The following NRDE2 variants were observed in gnomAD, a reference collection of about 807,000 sequenced individuals.
The protein encoded by NRDE2 is NRDE-2, necessary for RNA interference, domain containing, also known as nuclear exosome regulator NRDE2.
NRDE2 carries 76 observed loss-of-function variants against 124.2 expected under a neutral mutation model. The ratio of observed to expected loss-of-function variants is 0.61; its 90% confidence interval spans 0.51 to 0.74. NRDE2 has a LOEUF of 0.74. Among genes scored for constraint, NRDE2 ranks in the 30% least tolerant of loss-of-function variants. The pLI is 0.00. For missense variants in NRDE2, 1,314 were observed against 1,417.3 expected (o/e 0.93, Z 1.17); for synonymous variants, 489 against 528.1 (o/e 0.93, Z 1.01).
chr14:90,285,270 T>TAA (rs796590562), intron 12 of NRDE2, among the ~76,000 whole-genome samples: 88 of 106,024 alleles, frequency 8.3e-4, no homozygotes, highest in African/African-American at 1.2e-3. Flanking sequence ...GACCTTGTCT[T>TAA]AAAAAAAAAA....
At chr14:90,301,200 A>T (rs770282941) in intron 7 of NRDE2, 39 bp downstream of exon 7, 4 of 1,603,460 alleles carry the variant, frequency 2.5e-6, no homozygotes, top group South Asian at 1.1e-5. Context: ...CCAGAGAAAG[A>T]GCCAGGAAGA....
intron 3 of NRDE2, among the ~76,000 whole-genome samples, chr14:90,315,951 C>T (rs1267235833): frequency 1.6e-5 from 2 of 128,834 alleles, no homozygotes; most frequent in Non-Finnish European, 3.3e-5. Context: ...GAGTGAAACC[C>T]CGTCTCAAAA....
intron 5 of NRDE2, among the ~76,000 whole-genome samples, 162 bp downstream of exon 5, chr14:90,303,773 T>C (rs904693540): frequency 2.0e-5 from 3 of 152,234 alleles, no homozygotes; most frequent in Admixed American, 1.3e-4. Flanking sequence ...ATTTTCCTCA[T>C]TGGACTTTGA....
In NRDE2 at chr14:90,274,441, CAGAA is replaced by C. The variant is rs567474150; in HGVS notation, c.*3891_*3894del. On this transcript the variant is annotated 3_prime_UTR_variant, in exon 14 of 14. Coordinates refer to ENST00000354366, the MANE Select transcript of NRDE2 (RefSeq NM_017970.4). ...CCAGGTTTCTCTGAGGAGTTAGACA[CAGAA>C]AGAAGAAAACAAGAACGACCTCTGT... 2.0e-3 allele frequency: 298 copies of C among 152,806 alleles called. 2 individuals are homozygous for C. Among genetic ancestry groups the C allele is most frequent in the Non-Finnish European group, 3.0e-3 (203 of 68,204 alleles). 9.5% of individuals were successfully genotyped at this position (152,806 alleles called of 1,614,324 possible).
intron 11 of NRDE2, 63 bp from the exon 12 acceptor site, chr14:90,286,555 G>A (rs1403485728): frequency 1.3e-6 from 2 of 1,566,556 alleles, no homozygotes; most frequent in Admixed American, 1.8e-5. Flanking sequence ...ACAGAAGGAA[G>A]AGATGCCTGA....
intron 7 of NRDE2, among the ~76,000 whole-genome samples, chr14:90,299,197 C>A (rs1478703051): frequency 6.6e-6 from 1 of 152,096 alleles, no homozygotes; most frequent in African/African-American, 2.4e-5. Flanking sequence ...CAGGCATGAG[C>A]CACCACACCC....
At chr14:90,282,524 T>A (rs1891983223) in intron 12 of NRDE2, among the ~76,000 whole-genome samples, 1 of 151,994 alleles carries the variant, frequency 6.6e-6, no homozygotes, top group African/African-American at 2.4e-5. Context: ...TTAATGTATA[T>A]GCAAAACAGC....
chr14:90,269,322 G>A lies in NRDE2; in HGVS notation c.*9014C>T, dbSNP rs1186760259. On this transcript the variant is annotated 3_prime_UTR_variant, in exon 14 of 14. Coordinates refer to ENST00000354366, the MANE Select transcript of NRDE2 (RefSeq NM_017970.4). ...GTTTGTTAAGGTGTTTTGTCACAAT[G>A]AGGTCTTTGCTGTAATTCCCCTTGA... 1 of 1,298,376 alleles carries A rather than the reference G, an allele frequency of 7.7e-7. No homozygotes were observed. Among genetic ancestry groups the A allele is most frequent in the Non-Finnish European group, 1.1e-6 (1 of 941,138 alleles). The allele number at this position is 1,298,376 out of a possible 1,614,324, so 80.4% of individuals were successfully genotyped here. A position where few individuals can be genotyped will look rare whatever the true frequency, so the allele number is the denominator to read the frequency against.
intron 3 of NRDE2, among the ~76,000 whole-genome samples, chr14:90,314,966 TCGGAGA>T (rs1884984505): frequency 6.6e-6 from 1 of 151,006 alleles, no homozygotes; most frequent in Admixed American, 6.6e-5. Flanking sequence ...GGTCAGGAGA[TCGGAGA>T]TCGAGACCAG....
chr14:90,274,767 T>A lies in NRDE2; in HGVS notation c.*3569A>T, dbSNP rs950882297. ...CAGTTACTATTAATGGAATACAGTA[T>A]AGCCCTTTAAATAGGGAACTACACA... On this transcript the variant is annotated 3_prime_UTR_variant, in exon 14 of 14. Transcript: ENST00000354366. 6.8e-6 allele frequency: 1 copy of A among 147,148 alleles called. No homozygotes were observed. Among genetic ancestry groups the A allele is most frequent in the African/African-American group, 2.5e-5 (1 of 39,414 alleles). The allele number at this position is 147,148 out of a possible 1,614,324, so 9.1% of individuals were successfully genotyped here.
chr14:90,298,909 C>T (rs763690014), intron 7 of NRDE2, among the ~76,000 whole-genome samples: 6 of 152,200 alleles, frequency 3.9e-5, no homozygotes, highest in African/African-American at 4.8e-5. Context: ...CCATGAGCTA[C>T]GTGACACAAC....
intron 3 of NRDE2, among the ~76,000 whole-genome samples, chr14:90,313,529 C>T (rs1347147428): frequency 6.6e-6 from 1 of 152,044 alleles, no homozygotes; most frequent in Non-Finnish European, 1.5e-5. Context: ...AAGACAAGAC[C>T]CTAATGTATC....
At chr14:90,315,912 G>A (rs746226782) in intron 3 of NRDE2, among the ~76,000 whole-genome samples, 21 of 138,452 alleles carry the variant, frequency 1.5e-4, no homozygotes, top group African/African-American at 2.2e-4. Flanking sequence ...AGCTGAGATC[G>A]CACCACTGCA....
intron 9 of NRDE2, among the ~76,000 whole-genome samples, chr14:90,291,588 G>A (rs374306296): frequency 1.3e-5 from 2 of 152,014 alleles, no homozygotes; most frequent in Non-Finnish European, 1.5e-5. Flanking sequence ...CTCTTCTGCA[G>A]ACATTCAGCT....
chr14:90,279,680 C>T (rs1891900737), intron 12 of NRDE2: 2 of 152,592 alleles, frequency 1.3e-5, no homozygotes, highest in Non-Finnish European at 2.9e-5. Context: ...AGCACGTGTT[C>T]TCTCTAGATA....
Position 90,331,927 on chromosome 14 carries a change from C to G in NRDE2, c.-23G>C, listed in dbSNP as rs1006658680. 1 of 1,614,000 alleles carries G rather than the reference C, an allele frequency of 6.2e-7. No individual in the cohort carries two copies. Among genetic ancestry groups the G allele is most frequent in the Non-Finnish European group, 8.5e-7 (1 of 1,180,010 alleles). On this transcript the variant is annotated 5_prime_UTR_variant, in exon 1 of 14. Coordinates refer to ENST00000354366, the MANE Select transcript of NRDE2 (RefSeq NM_017970.4). ...CATGACCACAGGCCGTACCTCCGTTCTTCTCTATAGGGATGGCGCCGGCGA... is the reference window on the plus strand; with the variant it reads ...CATGACCACAGGCCGTACCTCCGTTGTTCTCTATAGGGATGGCGCCGGCGA...
At chr14:90,330,361 C>T (rs1325979793) in intron 1 of NRDE2, among the ~76,000 whole-genome samples, 2 of 152,162 alleles carry the variant, frequency 1.3e-5, no homozygotes, top group African/African-American at 2.4e-5. Flanking sequence ...TACTATCGAT[C>T]TGTACATCCA....
chr14:90,302,553 G>A (rs764460157), intron 6 of NRDE2, among the ~76,000 whole-genome samples, 167 bp downstream of exon 6: 7 of 152,108 alleles, frequency 4.6e-5, no homozygotes, highest in Admixed American at 4.6e-4. Context: ...TGGGAGCTGG[G>A]GGCAAATTTG....
At chr14:90,278,955 G>A in intron 13 of NRDE2, 107 bp downstream of exon 13, 2 of 790,598 alleles carry the variant, frequency 2.5e-6, no homozygotes, top group South Asian at 3.0e-5. Flanking sequence ...GCGTCCATGA[G>A]CCGAGCATCC....
Sources: allele counts gnomAD v4.1 joint callset (sites outside exome capture counted in the v4.1 genomes callset), GRCh38; gene constraint gnomAD v4.1.1; transcripts MANE v1.5; gene names NCBI Gene and HGNC (gene_info 2026-07-23, HGNC 2026-07-21).